The following MBP variants were observed in gnomAD, a reference collection of about 807,000 sequenced individuals.
MBP encodes the protein myelin basic protein.
Under a neutral mutation model 35.8 loss-of-function variants are expected in MBP, and 16 were observed. The observed-to-expected ratio is 0.45, with a 90% CI of 0.30 to 0.68. MBP has a LOEUF of 0.68. MBP is among the 30% of genes least tolerant of loss of function. The probability of loss-of-function intolerance (pLI) is 0.08; values close to 1 mark genes in which losing one functional copy is unlikely to be tolerated. For synonymous variants in MBP, 143 were observed against 159.6 expected, an observed-to-expected ratio of 0.90 and a Z score of 0.78; for missense variants, 380 against 404.7, an observed-to-expected ratio of 0.94 and a Z score of 0.52.
rs1212997967 is a variant in MBP, at chr18:76,988,181, G to C, written c.750+314C>G. 1 of 1,543,190 alleles carries C rather than the reference G, an allele frequency of 6.5e-7. No homozygotes were observed. Among genetic ancestry groups the C allele is most frequent in the Non-Finnish European group, 8.7e-7 (1 of 1,146,804 alleles). On this transcript the variant is annotated intron_variant, in intron 7 of 8. Coordinates refer to ENST00000355994, the MANE Select transcript of MBP (RefSeq NM_001025101.2). This position sits in a 1 kb window ranked among gnomAD's most constrained non-coding sequence, Gnocchi z 5.2. ...GTTGGAGGAAGTTAAACATTTTCTC[G>C]GACGTGGTGTTGCTCCCTCCCTGGG...
chr18:77,019,251 C>A (rs1490552321), intron 3 of MBP, among the ~76,000 whole-genome samples: 1 of 152,172 alleles, frequency 6.6e-6, no homozygotes, highest in East Asian at 1.9e-4. Context: ...ATGTCCATGT[C>A]CTAACTTCTG....
intron 3 of MBP, among the ~76,000 whole-genome samples, chr18:77,019,788 G>C (rs1408666708): frequency 2.6e-5 from 4 of 152,170 alleles, no homozygotes; most frequent in Non-Finnish European, 2.9e-5. Flanking sequence ...GTTGGGGAGG[G>C]TGCTTCTGGC....
At chr18:77,023,906 C>G (rs1010561626) in intron 3 of MBP, among the ~76,000 whole-genome samples, 1 of 152,228 alleles carries the variant, frequency 6.6e-6, no homozygotes, top group African/African-American at 2.4e-5. Context: ...GGCCAGGGAC[C>G]AGGCTCTGTT....
chr18:77,043,922 G>A (rs1040058986), intron 3 of MBP, among the ~76,000 whole-genome samples: 2 of 151,954 alleles, frequency 1.3e-5, no homozygotes, highest in African/African-American at 4.8e-5. Flanking sequence ...GCCGGATCTG[G>A]TCCCAGCCAT....
chr18:77,041,399 G>A (rs1262792251), intron 3 of MBP, among the ~76,000 whole-genome samples: 5 of 152,028 alleles, frequency 3.3e-5, no homozygotes, highest in Admixed American at 2.6e-4. Flanking sequence ...AACTAGAAAT[G>A]CCATTTGACC....
At chr18:77,013,069 C>T (rs1323621760) in intron 4 of MBP, 11 of 985,420 alleles carry the variant, frequency 1.1e-5, no homozygotes, top group Non-Finnish European at 1.2e-5. Flanking sequence ...GGTGACTGAG[C>T]CAGGGTAGCC....
intron 3 of MBP, among the ~76,000 whole-genome samples, chr18:77,037,092 GGAGACAGAGCTGAGCAAGTGCTGGTCACA>G (rs1258566402): frequency 1.3e-5 from 2 of 150,260 alleles, no homozygotes; most frequent in African/African-American, 4.9e-5. Flanking sequence ...GTCACATTTT[GGAGACAGAGCTGAGCAAGTGCTGGTCACA>G]TTTTGGAGAC....
chr18:77,032,713 G>C (rs984314591), intron 3 of MBP, among the ~76,000 whole-genome samples: 2 of 152,254 alleles, frequency 1.3e-5, no homozygotes, highest in Non-Finnish European at 2.9e-5. Flanking sequence ...TGTAGATTCG[G>C]TTAGGTTGTG....
intron 4 of MBP, among the ~76,000 whole-genome samples, chr18:77,010,759 T>C (rs1971300529): frequency 6.6e-6 from 1 of 152,220 alleles, no homozygotes; most frequent in African/African-American, 2.4e-5. Flanking sequence ...ATTATCTTTG[T>C]CAGTTACACG....
At chr18:77,107,757 C>T (rs984164733) in intron 1 of MBP, among the ~76,000 whole-genome samples, 1 of 152,204 alleles carries the variant, frequency 6.6e-6, no homozygotes, top group Non-Finnish European at 1.5e-5. Flanking sequence ...CTCAAGAATA[C>T]TGGACACAGA....
At chr18:77,051,248 C>T (rs1014190549) in intron 3 of MBP, among the ~76,000 whole-genome samples, 3 of 152,138 alleles carry the variant, frequency 2.0e-5, no homozygotes, top group Admixed American at 2.0e-4. Flanking sequence ...CCTCATGAAA[C>T]GTTCCCATTT....
chr18:77,016,352 A>C (rs934493082), intron 4 of MBP: 8 of 989,308 alleles, frequency 8.1e-6, no homozygotes, highest in Non-Finnish European at 9.6e-6. Context: ...GTTTGTTCAA[A>C]AGTCTTCCTC....
chr18:77,072,372 G>A (rs1175328805), intron 2 of MBP, among the ~76,000 whole-genome samples: 1 of 152,152 alleles, frequency 6.6e-6, no homozygotes, highest in African/African-American at 2.4e-5. Context: ...GCAGAAAATA[G>A]TTTGGGGGCA....
intron 2 of MBP, among the ~76,000 whole-genome samples, chr18:77,086,677 C>A (rs1011066716): frequency 2.0e-5 from 3 of 152,190 alleles, no homozygotes; most frequent in Admixed American, 6.5e-5. Flanking sequence ...AAAGAAAAAT[C>A]AATCTCCTAG....
chr18:77,100,505 TGG>T (rs1306073633), intron 2 of MBP, among the ~76,000 whole-genome samples: 25 of 91,120 alleles, frequency 2.7e-4, no homozygotes, highest in African/African-American at 9.1e-4. Flanking sequence ...AGATAGAATT[TGG>T]GGTGTGTGTG....
chr18:77,014,422 G>A, intron 4 of MBP: 2 of 985,508 alleles, frequency 2.0e-6, no homozygotes, highest in Non-Finnish European at 2.4e-6. Context: ...ATAGGGAGAA[G>A]CAGAACTGTG....
chr18:77,017,764 G>A (rs1180457606), intron 3 of MBP: 4 of 152,444 alleles, frequency 2.6e-5, no homozygotes, highest in Non-Finnish European at 5.9e-5. Context: ...GAAAGAAGTG[G>A]GGCATTTAGA....
chr18:77,123,289 C>T (rs1201722013), intron 1 of MBP, among the ~76,000 whole-genome samples: 2 of 152,110 alleles, frequency 1.3e-5, no homozygotes, highest in Non-Finnish European at 2.9e-5. Context: ...TGAAGACTCA[C>T]GCAGGACATA....
chr18:76,992,582 C>T (rs1227105093), intron 4 of MBP, among the ~76,000 whole-genome samples: 1 of 152,212 alleles, frequency 6.6e-6, no homozygotes, highest in African/African-American at 2.4e-5. Flanking sequence ...GAAGCCAAAG[C>T]TCTTTGTCCC....
Sources: gnomAD v4.1 joint callset for allele counts (sites outside exome capture counted in the v4.1 genomes callset) on GRCh38, gnomAD v4.1.1 for gene constraint, Gnocchi (gnomAD v3.1) non-coding constraint, MANE v1.5 for transcripts, NCBI Gene and HGNC (gene_info 2026-07-23, HGNC 2026-07-21) for gene names.